Variants in DNM2 observed in about 807,000 individuals in gnomAD.
The protein encoded by DNM2 is dynamin-2.
DNM2 carries 15 observed loss-of-function variants against 99.0 expected under a neutral mutation model. The ratio of observed to expected loss-of-function variants is 0.15; its 90% CI spans 0.10 to 0.23. DNM2 has a LOEUF of 0.23. Ranked by LOEUF, DNM2 falls within the 10% of genes least tolerant of loss-of-function variation. DNM2 has a pLI of 1.00. For synonymous variants in DNM2, 525 were observed against 481.2 expected, an observed-to-expected ratio of 1.09 and a Z score of -1.19; for missense variants, 742 against 1,189.4, an observed-to-expected ratio of 0.62 and a Z score of 5.53.
chr19:10,762,162 C>T (rs948808642), intron 2 of DNM2, among the ~76,000 whole-genome samples: 1 of 152,128 alleles, frequency 6.6e-6, no homozygotes, highest in Non-Finnish European at 1.5e-5. Context: ...CATGCCTCAG[C>T]CTCCTGAGCA....
chr19:10,783,607 A>G (rs897525027), intron 6 of DNM2, among the ~76,000 whole-genome samples: 1 of 152,058 alleles, frequency 6.6e-6, no homozygotes, highest in Non-Finnish European at 1.5e-5. Flanking sequence ...GTAATTATTC[A>G]GTCATTTACC....
In DNM2 at chr19:10,765,527, G is replaced by C. The variant is rs1017216760; in HGVS notation, c.235+5716G>C. 5.3e-5 allele frequency among the ~76,000 whole-genome samples: 8 copies of C among 152,198 alleles called. No individual in the cohort carries two copies. Among genetic ancestry groups the C allele is most frequent in the Non-Finnish European group, 1.0e-4 (7 of 68,040 alleles). The stretch of plus-strand genomic sequence containing the variant: ...TCTAGAGAGCAGACCAAGCTGGCGT[G>C]CGTCAGGCTGTGGGCTGGCTGGGAT... On this transcript the variant is annotated intron_variant, in intron 2 of 20. Coordinates refer to ENST00000389253, the MANE Select transcript of DNM2 (RefSeq NM_001005361.3). The surrounding 1 kb of genome is among the most constrained non-coding windows in gnomAD (Gnocchi z 4.4).
At chr19:10,744,461 C>T (rs1412661535) in intron 1 of DNM2, among the ~76,000 whole-genome samples, 2 of 152,046 alleles carry the variant, frequency 1.3e-5, no homozygotes, top group Admixed American at 6.6e-5. Context: ...CCCATCACCC[C>T]GGGAGAGTCT....
intron 17 of DNM2, 144 bp from the exon 18 acceptor site, chr19:10,824,913 A>G (rs2073093038): frequency 2.3e-6 from 3 of 1,329,870 alleles, no homozygotes; most frequent in Admixed American, 1.7e-5. Context: ...GCCCAGGGCA[A>G]GCAGGCCTAT....
chr19:10,750,035 G>A (rs1164324840), intron 1 of DNM2, among the ~76,000 whole-genome samples: 3 of 152,208 alleles, frequency 2.0e-5, no homozygotes, highest in African/African-American at 4.8e-5. Flanking sequence ...TGGACAGGAC[G>A]GGCTAGGACC....
chr19:10,718,508 T>C, intron 1 of DNM2, 105 bp downstream of exon 1: 1 of 1,251,610 alleles, frequency 8.0e-7, no homozygotes, highest in Non-Finnish European at 1.0e-6. Flanking sequence ...GGCGCTTGCG[T>C]GCCCGCGGCG....
chr19:10,789,812 CA>C (rs1241583476), intron 7 of DNM2, among the ~76,000 whole-genome samples: 6 of 152,228 alleles, frequency 3.9e-5, no homozygotes, highest in African/African-American at 1.4e-4. Context: ...CCAGCCTGGG[CA>C]GACAGAGCGA....
At position 10,811,434 on chromosome 19, in the gene DNM2, G is replaced by T. The variant is rs899071334; in HGVS notation, c.1558-830G>T. On this transcript the variant is annotated intron_variant, in intron 14 of 20. Coordinates refer to ENST00000389253, the MANE Select transcript of DNM2 (RefSeq NM_001005361.3). The surrounding 1 kb of genome is among the most constrained non-coding windows in gnomAD (Gnocchi z 5.4). ...CCGTGCCCTGCCATGCCCTGCACTG[G>T]GGGATGCAGGCCAGCCCTTCGCAGC... 1.8e-5 allele frequency: 6 copies of T among 340,234 alleles called. No individual in the cohort carries two copies. The highest frequency in any genetic ancestry group is 6.5e-5 in the African/African-American group (3 of 46,338). The allele number at this position is 340,234 out of a possible 1,614,324, so 21.1% of individuals were successfully genotyped here. A position where few individuals can be genotyped will look rare whatever the true frequency, so the allele number is the denominator to read the frequency against.
intron 7 of DNM2, among the ~76,000 whole-genome samples, chr19:10,787,582 GTC>G (rs1051767799): frequency 2.0e-5 from 3 of 149,630 alleles, no homozygotes; most frequent in Non-Finnish European, 4.4e-5. Flanking sequence ...GTGAAACCCT[GTC>G]TCTACTCAAC....
chr19:10,767,703 C>T (rs540129511), intron 2 of DNM2, among the ~76,000 whole-genome samples: 3 of 152,202 alleles, frequency 2.0e-5, no homozygotes, highest in Middle Eastern at 3.4e-3. Flanking sequence ...GTCTGGAGTT[C>T]GAGACCAGCC....
chr19:10,804,572 C>T (rs909238755), intron 12 of DNM2, among the ~76,000 whole-genome samples: 3 of 152,054 alleles, frequency 2.0e-5, no homozygotes, highest in Admixed American at 6.6e-5. Flanking sequence ...TGCGTAATCT[C>T]AGCTACTTAG....
intron 13 of DNM2, 105 bp from the exon 14 acceptor site, chr19:10,808,464 G>A: frequency 7.8e-7 from 1 of 1,287,548 alleles, no homozygotes; most frequent in Non-Finnish European, 1.1e-6. Flanking sequence ...TCCTGTTTTT[G>A]TGCTTTTCCT....
intron 5 of DNM2, among the ~76,000 whole-genome samples, chr19:10,779,502 CTTTTTTTTTT>C (rs55819116): frequency 2.0e-4 from 6 of 29,602 alleles, no homozygotes; most frequent in Admixed American, 5.9e-4. Flanking sequence ...TTCTTTCTTT[CTTTTTTTTTT>C]TTTTTTTTTT....
chr19:10,739,682 C>G (rs1235133028), intron 1 of DNM2, among the ~76,000 whole-genome samples: 1 of 151,850 alleles, frequency 6.6e-6, no homozygotes, highest in African/African-American at 2.4e-5. Flanking sequence ...ATGGTGAAAC[C>G]CCTTCTCTAC....
intron 7 of DNM2, among the ~76,000 whole-genome samples, chr19:10,788,106 G>A (rs1266801832): frequency 4.6e-5 from 7 of 151,966 alleles, no homozygotes; most frequent in East Asian, 3.9e-4. Context: ...GGTGGCAGGC[G>A]CCTGTAATCC....
At chr19:10,769,834 C>T (rs565990393) in intron 2 of DNM2, among the ~76,000 whole-genome samples, 1 of 152,264 alleles carries the variant, frequency 6.6e-6, no homozygotes, top group Non-Finnish European at 1.5e-5. Flanking sequence ...GTGCTGGACA[C>T]GGTCCTCAGT....
chr19:10,780,334 C>G (rs2071325764), intron 5 of DNM2: 1 of 152,802 alleles, frequency 6.5e-6, no homozygotes, highest in Non-Finnish European at 1.5e-5. Context: ...CTACTACAGC[C>G]ACCCCGACCC....
chr19:10,727,846 A>G (rs923254862), intron 1 of DNM2, among the ~76,000 whole-genome samples: 1 of 152,204 alleles, frequency 6.6e-6, no homozygotes, highest in Non-Finnish European at 1.5e-5. Flanking sequence ...GCTGAAAAAA[A>G]GTGAGAACAT....
intron 5 of DNM2, 21 bp from the exon 6 acceptor site, chr19:10,782,939 C>T (rs369384972): frequency 6.2e-7 from 1 of 1,613,950 alleles, no homozygotes; most frequent in Non-Finnish European, 8.5e-7. Flanking sequence ...TTGCCCCTGA[C>T]CTGACTGCCT....
Sources: gnomAD v4.1 joint callset for allele counts (sites outside exome capture counted in the v4.1 genomes callset) on GRCh38, gnomAD v4.1.1 for gene constraint, Gnocchi (gnomAD v3.1) non-coding constraint, MANE v1.5 for transcripts, NCBI Gene and HGNC (gene_info 2026-07-23, HGNC 2026-07-21) for gene names.